Variants in ADGRE3 observed in about 807,000 individuals in gnomAD.
ADGRE3 encodes the protein EGF-like module receptor 3.
In ADGRE3, 88 loss-of-function variants were observed where a neutral mutation model predicts 80.1. The observed-to-expected ratio is 1.10, with a 90% CI of 0.93 to 1.31. ADGRE3 has a LOEUF of 1.31. Among genes scored for constraint, ADGRE3 ranks in the 40% most tolerant of loss-of-function variants. The probability of loss-of-function intolerance (pLI) is 0.00; values close to 1 mark genes in which losing one functional copy is unlikely to be tolerated. For synonymous variants in ADGRE3, 281 were observed against 294.8 expected, an observed-to-expected ratio of 0.95 and a Z score of 0.48; for missense variants, 715 against 776.5, an observed-to-expected ratio of 0.92 and a Z score of 0.94.
chr19:14,663,288 C>T, intron 3 of ADGRE3, 130 bp downstream of exon 3: 1 of 407,070 alleles, frequency 2.5e-6, no homozygotes. Flanking sequence ...CAGGCTTGAG[C>T]AACTGTGTCC....
chr19:14,636,137 T>TTCTTCCTTC (rs1555755831), intron 11 of ADGRE3, among the ~76,000 whole-genome samples: 2 of 31,312 alleles, frequency 6.4e-5, no homozygotes, highest in African/African-American at 2.1e-4. Flanking sequence ...TTTCTTTCTT[T>TTCTTCCTTC]CTTTCTTTCT....
At chr19:14,618,861 AAAAAAAAAAAT>A (rs2075099548), downstream of ADGRE3, among the ~76,000 whole-genome samples, 1 of 150,806 alleles carries the variant, frequency 6.6e-6, no homozygotes, top group African/African-American at 2.4e-5. Flanking sequence ...AAAAAAAAAA[AAAAAAAAAAAT>A]TAGCCTGTAT....
chr19:14,668,982 C>T (rs938079231), intron 1 of ADGRE3, 130 bp from the exon 2 acceptor site: 1 of 861,182 alleles, frequency 1.2e-6, no homozygotes, highest in South Asian at 1.6e-5. Flanking sequence ...TGGCTTAAAG[C>T]TACATTTTTG....
intron 8 of ADGRE3, among the ~76,000 whole-genome samples, chr19:14,646,540 C>T (rs1971404081): frequency 6.8e-6 from 1 of 147,248 alleles, no homozygotes; most frequent in Non-Finnish European, 1.5e-5. Flanking sequence ...TTACATCTAG[C>T]TAATTCTTTT....
intron 6 of ADGRE3, among the ~76,000 whole-genome samples, chr19:14,652,889 CTAAT>C (rs1041813928): frequency 1.3e-4 from 20 of 151,096 alleles, no homozygotes; most frequent in African/African-American, 4.6e-4. Context: ...AGTATTTACT[CTAAT>C]TATGTATTAA....
In ADGRE3 at chr19:14,641,654, T is replaced by C. The variant is rs373777858; in HGVS notation, c.1051-38A>G. The C allele has an allele frequency of 1.9e-5, 31 of 1,604,062 alleles. No individual in the cohort carries two copies. In the African/African-American group the frequency reaches 4.0e-4, roughly 21 times the overall value. On this transcript the variant is annotated intron_variant, in intron 9 of 15. Coordinates refer to ENST00000253673, the MANE Select transcript of ADGRE3 (RefSeq NM_032571.5). ...AAAAAAGTTCACAGTGATGCTTTCC[T>C]GCACTGGGATTATGGCTCCCTCCTT...
intron 6 of ADGRE3, among the ~76,000 whole-genome samples, chr19:14,654,019 C>A (rs1011271115): frequency 4.7e-5 from 7 of 149,166 alleles, no homozygotes; most frequent in African/African-American, 1.7e-4. Context: ...GTGATGTGAT[C>A]TCGGCTCACT....
At position 14,650,638 on chromosome 19, in the gene ADGRE3, TCTCTCTCTCTCTCTCTCTCTCTCTCTC is replaced by T. The variant is rs1971573816; in HGVS notation, c.697+420_697+446del. Among the ~76,000 whole-genome samples, 6 of 86,520 alleles carry T rather than the reference TCTCTCTCTCTCTCTCTCTCTCTCTCTC, an allele frequency of 6.9e-5. No individual in the cohort carries two copies. The South Asian group carries it at 1.4e-3, about 19-fold the overall frequency. The allele number at this position is 86,520 out of a possible 152,430, so 56.8% of individuals were successfully genotyped here. A position where few individuals can be genotyped will look rare whatever the true frequency, so the allele number is the denominator to read the frequency against. On this transcript the variant is annotated intron_variant, in intron 7 of 15. Transcript: ENST00000253673. ...CTTGCTCTCTGTCTCCATCTCTCTC[TCTCTCTCTCTCTCTCTCTCTCTCTCTC>T]TCTCTCTCTCTCTCTCTCCCCTCTT...
chr19:14,619,649 G>C (rs377457802), intron 15 of ADGRE3, among the ~76,000 whole-genome samples, 178 bp from the exon 16 acceptor site: 3 of 152,204 alleles, frequency 2.0e-5, no homozygotes, highest in African/African-American at 7.2e-5. Context: ...CTTTGGCTTA[G>C]AGTGGGAAGA....
At chr19:14,633,594 A>G (rs1353180474) in intron 11 of ADGRE3, among the ~76,000 whole-genome samples, 4 of 151,766 alleles carry the variant, frequency 2.6e-5, no homozygotes, top group Admixed American at 6.6e-5. Context: ...AGTTCCAGCT[A>G]TTCGGGAGGC....
the ADGRE3 span, among the ~76,000 whole-genome samples, chr19:14,607,925 C>T: frequency 6.6e-6 from 1 of 152,064 alleles, no homozygotes; most frequent in African/African-American, 2.4e-5. Flanking sequence ...GGCTGGAGTG[C>T]AGTGGTGCAA....
chr19:14,646,162 T>C (rs1239349577), intron 8 of ADGRE3, among the ~76,000 whole-genome samples: 1 of 152,156 alleles, frequency 6.6e-6, no homozygotes, highest in Non-Finnish European at 1.5e-5. Context: ...CTGACTCTGT[T>C]GCCAGGCTGG....
At chr19:14,605,259 C>T in the ADGRE3 span, among the ~76,000 whole-genome samples, 49 of 152,176 alleles carry the variant, frequency 3.2e-4, no homozygotes, top group Middle Eastern at 3.4e-3. Context: ...CCACGCCTGG[C>T]TAATTTTTGT....
At chr19:14,633,859 C>A (rs1970960316) in intron 11 of ADGRE3, among the ~76,000 whole-genome samples, 1 of 149,342 alleles carries the variant, frequency 6.7e-6, no homozygotes, top group South Asian at 2.1e-4. Context: ...TCACTGCAAC[C>A]TCTGCCTCCT....
chr19:14,660,533 T>C (rs1417958665), intron 4 of ADGRE3, among the ~76,000 whole-genome samples: 1 of 151,218 alleles, frequency 6.6e-6, no homozygotes, highest in African/African-American at 2.4e-5. Flanking sequence ...GAGGCTGAGG[T>C]GGGAGGATTG....
Position 14,674,822 on chromosome 19 carries a change from G to A in ADGRE3, c.-52C>T, listed in dbSNP as rs1972352224. 1.9e-6 allele frequency: 3 copies of A among 1,593,480 alleles called. No individual in the cohort carries two copies. The highest frequency in any genetic ancestry group is 3.5e-5 in the Admixed American group (2 of 56,418). Reference sequence around the variant, plus strand: ...GCCAGCCCTGGAAGCTCTCTACTGTGCCGTAAGCCAACCACCTTTCCTAGC... The same window carrying A: ...GCCAGCCCTGGAAGCTCTCTACTGTACCGTAAGCCAACCACCTTTCCTAGC... On this transcript the variant is annotated 5_prime_UTR_variant, in exon 1 of 16. Transcript: ENST00000253673.
At chr19:14,668,253 A>G (rs1040417115) in intron 2 of ADGRE3, among the ~76,000 whole-genome samples, 1 of 152,180 alleles carries the variant, frequency 6.6e-6, no homozygotes, top group Non-Finnish European at 1.5e-5. Context: ...TCTGTCTCAA[A>G]AAAAGAAGAA....
At chr19:14,657,981 T>C (rs1971819358) in intron 5 of ADGRE3, among the ~76,000 whole-genome samples, 1 of 152,082 alleles carries the variant, frequency 6.6e-6, no homozygotes, top group Non-Finnish European at 1.5e-5. Flanking sequence ...GCCAGGCTGG[T>C]CTCGAACTCC....
At chr19:14,674,702 T>C (rs1972347556) in intron 1 of ADGRE3, 44 bp downstream of exon 1, 1 of 1,602,084 alleles carries the variant, frequency 6.2e-7, no homozygotes, top group African/African-American at 1.3e-5. Context: ...GGTCCCTGAC[T>C]GGGGGATAGG....
Sources: allele counts gnomAD v4.1 joint callset (sites outside exome capture counted in the v4.1 genomes callset), GRCh38; gene constraint gnomAD v4.1.1; transcripts MANE v1.5; gene names NCBI Gene and HGNC (gene_info 2026-07-23, HGNC 2026-07-21).